CAMKMT: variants seen among roughly 807,000 people sequenced by gnomAD.
CAMKMT encodes the protein calmodulin-lysine N-methyltransferase, also known as CaM KMT.
CAMKMT carries 53 observed loss-of-function variants against 48.0 expected under a neutral mutation model. The observed-to-expected ratio is 1.10, with a 90% CI of 0.89 to 1.39. The LOEUF (loss-of-function observed/expected upper bound fraction) is 1.39, where lower values mean the gene tolerates loss of function less well. CAMKMT is among the 40% of genes most tolerant of loss of function. The pLI is 0.00. For synonymous variants in CAMKMT, 165 were observed against 152.3 expected, an observed-to-expected ratio of 1.08 and a Z score of -0.61; for missense variants, 428 against 402.7, an observed-to-expected ratio of 1.06 and a Z score of -0.54.
intron 3 of CAMKMT, among the ~76,000 whole-genome samples, chr2:44,677,218 G>A (rs540550436): frequency 6.5e-4 from 99 of 152,300 alleles, no homozygotes; most frequent in African/African-American, 2.2e-3. Context: ...AAGAGCAGTC[G>A]GAGGGATTAA....
At chr2:44,562,723 GCTAAT>G (rs1668388607) in intron 3 of CAMKMT, among the ~76,000 whole-genome samples, 1 of 152,148 alleles carries the variant, frequency 6.6e-6, no homozygotes. Flanking sequence ...ACCACACCCA[GCTAAT>G]TCTTGTATTT....
intron 2 of CAMKMT, among the ~76,000 whole-genome samples, chr2:44,377,446 AT>A (rs1221675770): frequency 6.6e-6 from 1 of 152,196 alleles, no homozygotes; most frequent in African/African-American, 2.4e-5. Flanking sequence ...CTCATAAACT[AT>A]AATATATTGT....
intron 3 of CAMKMT, among the ~76,000 whole-genome samples, chr2:44,500,655 C>G (rs911487812): frequency 6.7e-6 from 1 of 150,158 alleles, no homozygotes; most frequent in Non-Finnish European, 1.5e-5. Context: ...AATTTTCCAA[C>G]ATTTCCAGCA....
chr2:44,398,802 G>C (rs1025911087), intron 3 of CAMKMT, among the ~76,000 whole-genome samples: 21 of 152,032 alleles, frequency 1.4e-4, no homozygotes, highest in Admixed American at 3.3e-4. Flanking sequence ...TGTTATATTT[G>C]ACATTTATAT....
rs140790630 is a variant in CAMKMT at position 44,455,231 on chromosome 2, G to A, written c.376+64926G>A. On this transcript the variant is annotated intron_variant, in intron 3 of 10. Transcript: ENST00000378494. ...AAAGTAGGACTGGGGATTCCAGGAC[G>A]AAGCCTAGAGATAGATTTTTTTTAG... is the stretch of plus-strand genomic sequence containing the variant. 5.7e-3 allele frequency among the ~76,000 whole-genome samples: 874 copies of A among 152,294 alleles called. 4 individuals carry two copies. Among genetic ancestry groups the A allele is most frequent in the Admixed American group, 9.3e-3 (142 of 15,290 alleles).
chr2:44,690,841 T>C (rs1427012561), intron 3 of CAMKMT, among the ~76,000 whole-genome samples: 1 of 151,882 alleles, frequency 6.6e-6, no homozygotes, highest in African/African-American at 2.4e-5. Flanking sequence ...CTGGGTGTGG[T>C]GGTGTGTGCC....
At position 44,665,373 on chromosome 2, in the gene CAMKMT, A is replaced by T. The variant is rs117217267; in HGVS notation, c.377-38910A>T. Among the ~76,000 whole-genome samples, 154 of 152,282 alleles carry T rather than the reference A, an allele frequency of 1.0e-3. 2 individuals are homozygous for T. In the East Asian group the frequency reaches 0.027, roughly 26 times the overall value. On this transcript the variant is annotated intron_variant, in intron 3 of 10. Coordinates refer to ENST00000378494, the MANE Select transcript of CAMKMT (RefSeq NM_024766.5). ...GGTGTGAGCCACCGTGCCCGGCCTC[A>T]GAGAGGTTTTAACGTGCAGCCATGG...
rs1313220045 is a variant in CAMKMT at position 44,372,758 on chromosome 2, T to C, written c.181T>C (p.Ser61Pro). Residue 61 changes from serine to proline, a missense_variant, in exon 2 of 11, where the codon TCT (serine) becomes CCT (proline). Coordinates refer to ENST00000378494, the MANE Select transcript of CAMKMT (RefSeq NM_024766.5). ...KHLDDCLRHVSVRRFESFNLF... is the reference protein window; with the variant it reads ...KHLDDCLRHVPVRRFESFNLF... ...CCTGGATGATTGCCTGCGACATGTATCTGTAAGAAGATTTGAATCATTTAA... is the reference window on the plus strand; with the variant it reads ...CCTGGATGATTGCCTGCGACATGTACCTGTAAGAAGATTTGAATCATTTAA... 3.7e-6 allele frequency: 6 copies of C among 1,613,594 alleles called. No individual in the cohort carries two copies. Among genetic ancestry groups the C allele is most frequent in the African/African-American group, 1.3e-5 (1 of 75,006 alleles).
intron 3 of CAMKMT, among the ~76,000 whole-genome samples, chr2:44,588,732 T>A (rs1432366271): frequency 7.0e-4 from 25 of 35,518 alleles, no homozygotes; most frequent in Admixed American, 1.2e-3. Flanking sequence ...AGCCGCCCCG[T>A]CCGGGAGGTG....
chr2:44,511,204 A>G (rs1375458983), intron 3 of CAMKMT, among the ~76,000 whole-genome samples: 3 of 152,088 alleles, frequency 2.0e-5, no homozygotes, highest in Non-Finnish European at 4.4e-5. Context: ...GTGACAACAT[A>G]CGATATTTAG....
chr2:44,759,716 C>T (rs963761916), intron 9 of CAMKMT, among the ~76,000 whole-genome samples: 3 of 152,154 alleles, frequency 2.0e-5, no homozygotes, highest in Non-Finnish European at 4.4e-5. Context: ...TTTTAAGACC[C>T]TCAGTGCAGG....
intron 3 of CAMKMT, among the ~76,000 whole-genome samples, chr2:44,429,093 A>C (rs1358797138): frequency 6.6e-6 from 1 of 152,186 alleles, no homozygotes; most frequent in Admixed American, 6.5e-5. Flanking sequence ...CTCTTCTTAC[A>C]GGGCTCCTTG....
At chr2:44,595,552 T>TG (rs1670601107) in intron 3 of CAMKMT, among the ~76,000 whole-genome samples, 1 of 152,282 alleles carries the variant, frequency 6.6e-6, no homozygotes, top group Middle Eastern at 3.4e-3. Context: ...ATCAATATTG[T>TG]GAAAATGACC....
chr2:44,363,406 C>T (rs1678197776), intron 1 of CAMKMT, among the ~76,000 whole-genome samples: 1 of 151,376 alleles, frequency 6.6e-6, no homozygotes, highest in South Asian at 2.1e-4. Context: ...AATGGAGTTT[C>T]CCTCTTGTTG....
chr2:44,562,557 A>C (rs773861285), intron 3 of CAMKMT, among the ~76,000 whole-genome samples: 8 of 152,146 alleles, frequency 5.3e-5, no homozygotes, highest in Non-Finnish European at 1.0e-4. Flanking sequence ...CCGTGACTTC[A>C]AAGCCATGCT....
chr2:44,501,978 A>C lies in CAMKMT; in HGVS notation c.376+111673A>C, dbSNP rs539513154. 9.8e-5 allele frequency among the ~76,000 whole-genome samples: 15 copies of C among 152,346 alleles called. No individual in the cohort carries two copies. In the South Asian group the frequency reaches 2.9e-3, roughly 29 times the overall value. On this transcript the variant is annotated intron_variant, in intron 3 of 10. Transcript: ENST00000378494. ...AGGCTATGTAAGGCTTGCCTCAGGC[A>C]AAAATTATCAAATAGGCCAGGCGCA...
At chr2:44,466,578 T>C (rs1001359616) in intron 3 of CAMKMT, among the ~76,000 whole-genome samples, 1 of 152,024 alleles carries the variant, frequency 6.6e-6, no homozygotes, top group African/African-American at 2.4e-5. Context: ...AAGGCTCTCA[T>C]ATCAACAAAA....
At chr2:44,460,467 A>G (rs543838507) in intron 3 of CAMKMT, among the ~76,000 whole-genome samples, 9 of 152,144 alleles carry the variant, frequency 5.9e-5, no homozygotes, top group Non-Finnish European at 1.0e-4. Flanking sequence ...ATAAAGTTCT[A>G]TACTTTTACT....
At chr2:44,395,270 G>A (rs6709905) in intron 3 of CAMKMT, among the ~76,000 whole-genome samples, 24,718 of 152,002 alleles carry the variant, frequency 0.16, 3,897 homozygotes, top group African/African-American at 0.41. Context: ...ATATGTATGT[G>A]TATATGTATA....
Sources: gnomAD v4.1 joint callset for allele counts (sites outside exome capture counted in the v4.1 genomes callset) on GRCh38, gnomAD v4.1.1 for gene constraint, MANE v1.5 for transcripts, NCBI Gene and HGNC (gene_info 2026-07-23, HGNC 2026-07-21) for gene names.